Variants in LSAMP observed in about 807,000 individuals in gnomAD.
LSAMP encodes the protein limbic system associated membrane protein.
Under a neutral mutation model 38.6 loss-of-function variants are expected in LSAMP, and 7 were observed. The ratio of observed to expected loss-of-function variants is 0.18; its 90% CI spans 0.10 to 0.34. LSAMP has a LOEUF of 0.34. Among genes scored for constraint, LSAMP ranks in the 10% least tolerant of loss-of-function variants. The pLI is 1.00. For missense variants in LSAMP, 313 were observed against 420.0 expected (o/e 0.75, Z 2.23); for synonymous variants, 154 against 166.8 (o/e 0.92, Z 0.59).
At chr3:116,002,744 T>C (rs1157870173) in intron 3 of LSAMP, among the ~76,000 whole-genome samples, 2 of 152,164 alleles carry the variant, frequency 1.3e-5, no homozygotes, top group Non-Finnish European at 2.9e-5. Flanking sequence ...TGCTAACCTT[T>C]TGCCCTCAGC....
intron 1 of LSAMP, among the ~76,000 whole-genome samples, chr3:116,352,582 C>G (rs1020929838): frequency 7.9e-5 from 12 of 152,090 alleles, no homozygotes; most frequent in African/African-American, 2.7e-4. Context: ...TGGAAATAGT[C>G]TCTGTTAGAT....
intron 1 of LSAMP, among the ~76,000 whole-genome samples, chr3:116,213,728 T>C (rs899063194): frequency 6.6e-6 from 1 of 152,214 alleles, no homozygotes; most frequent in African/African-American, 2.4e-5. Context: ...TATTCAGCCT[T>C]AAAAGAGGAG....
At chr3:116,092,373 A>C (rs543671979) in intron 1 of LSAMP, among the ~76,000 whole-genome samples, 28 of 152,174 alleles carry the variant, frequency 1.8e-4, no homozygotes, top group Non-Finnish European at 3.7e-4. Context: ...TCTAGGAACT[A>C]AATGATCTAT....
intron 3 of LSAMP, among the ~76,000 whole-genome samples, chr3:115,861,171 TTCCTTCCTTCCTTC>T (rs1935682291): frequency 8.3e-6 from 1 of 120,112 alleles, no homozygotes; most frequent in Non-Finnish European, 1.7e-5. Flanking sequence ...CCTTCCTTCC[TTCCTTCCTTCCTTC>T]CTTCCTTCCT....
At chr3:116,164,768 T>A (rs1408789665) in intron 1 of LSAMP, among the ~76,000 whole-genome samples, 3 of 134,016 alleles carry the variant, frequency 2.2e-5, no homozygotes, top group Non-Finnish European at 4.9e-5. Flanking sequence ...ATATTTTTTT[T>A]TTTTTTCAAG....
chr3:116,232,164 T>A (rs2046408949), intron 1 of LSAMP, among the ~76,000 whole-genome samples: 1 of 152,180 alleles, frequency 6.6e-6, no homozygotes, highest in East Asian at 1.9e-4. Context: ...GCATGGGTTT[T>A]AATGGTAGTA....
chr3:115,806,388 A>C lies in LSAMP; in HGVS notation c.*3929T>G, dbSNP rs568772330. 6.6e-6 allele frequency: 1 copy of C among 152,210 alleles called. No homozygotes were observed. The highest frequency in any genetic ancestry group is 1.5e-5 in the Non-Finnish European group (1 of 68,034). The allele number at this position is 152,210 out of a possible 1,614,324, so 9.4% of individuals were successfully genotyped here. A position where few individuals can be genotyped will look rare whatever the true frequency, so the allele number is the denominator to read the frequency against. On this transcript the variant is annotated 3_prime_UTR_variant, in exon 7 of 7. Transcript: ENST00000490035. ...TCGAGCCCTGCAAAGAACAAAATGA[A>C]AAATTCAGGGAGAATAGCCAATAGA... is the stretch of plus-strand genomic sequence containing the variant.
chr3:116,187,932 C>G (rs1710660304), intron 1 of LSAMP, among the ~76,000 whole-genome samples: 1 of 151,942 alleles, frequency 6.6e-6, no homozygotes, highest in Admixed American at 6.6e-5. Context: ...TTTCCTGATC[C>G]CCTCTCTCCT....
chr3:116,340,993 A>T (rs951534014), intron 1 of LSAMP, among the ~76,000 whole-genome samples: 3 of 152,030 alleles, frequency 2.0e-5, no homozygotes, highest in Non-Finnish European at 1.5e-5. Flanking sequence ...AAGTTGATAC[A>T]ATTACTTATG....
chr3:116,404,795 G>A (rs1403108242), intron 1 of LSAMP, among the ~76,000 whole-genome samples: 5 of 152,042 alleles, frequency 3.3e-5, no homozygotes, highest in African/African-American at 1.2e-4. Flanking sequence ...GAATTTACAG[G>A]AGAAATATGG....
intron 1 of LSAMP, among the ~76,000 whole-genome samples, chr3:116,139,154 C>T (rs1709318410): frequency 6.6e-6 from 1 of 151,808 alleles, no homozygotes; most frequent in Non-Finnish European, 1.5e-5. Context: ...GGTAACAGTA[C>T]TTTTAAATTT....
rs760430702 is a variant in LSAMP at position 115,858,164 on chromosome 3, T to TCA, written c.515-5549_515-5548dup. ...CTCTCTCTCTCTCTCTCTCTCTCTC[T>TCA]CACACACACACACCCCACAAAAAGC... On this transcript the variant is annotated intron_variant, in intron 3 of 6. Coordinates refer to ENST00000490035, the MANE Select transcript of LSAMP (RefSeq NM_002338.5). Among the ~76,000 whole-genome samples, 7 of 142,142 alleles carry TCA rather than the reference T, an allele frequency of 4.9e-5. No individual in the cohort carries two copies. In the East Asian group the frequency reaches 6.1e-4, roughly 12 times the overall value. 93.3% of individuals were successfully genotyped at this position (142,142 alleles called of 152,430 possible).
intron 1 of LSAMP, among the ~76,000 whole-genome samples, chr3:116,116,585 T>G (rs1346752161): frequency 6.8e-6 from 1 of 147,214 alleles, no homozygotes; most frequent in African/African-American, 2.5e-5. Flanking sequence ...GGCGTGGTGG[T>G]GCATGCCTGT....
chr3:115,927,541 A>G (rs1937517550), intron 3 of LSAMP, among the ~76,000 whole-genome samples: 4 of 151,842 alleles, frequency 2.6e-5, no homozygotes, highest in Admixed American at 2.6e-4. Context: ...CCACATAACC[A>G]TGGTTATGTA....
intron 2 of LSAMP, among the ~76,000 whole-genome samples, chr3:116,067,748 C>G (rs1296715272): frequency 5.9e-5 from 9 of 152,026 alleles, no homozygotes; most frequent in Non-Finnish European, 1.3e-4. Flanking sequence ...GAGTTCATCT[C>G]TTGATGTACA....
At chr3:115,812,760 T>G (rs1337880843) in intron 6 of LSAMP, among the ~76,000 whole-genome samples, 1 of 152,162 alleles carries the variant, frequency 6.6e-6, no homozygotes. Flanking sequence ...TCAGAAAGGG[T>G]CCAATTCTGC....
chr3:116,311,942 C>A (rs1010360068), intron 1 of LSAMP, among the ~76,000 whole-genome samples: 1 of 152,078 alleles, frequency 6.6e-6, no homozygotes, highest in African/African-American at 2.4e-5. Flanking sequence ...AAGCCCTGAG[C>A]AAGATGAATG....
At chr3:116,041,565 G>A (rs75165062) in intron 2 of LSAMP, among the ~76,000 whole-genome samples, 3,372 of 151,316 alleles carry the variant, frequency 0.022, 107 homozygotes, top group African/African-American at 0.074. Flanking sequence ...GACAAAGAGC[G>A]GAGGAACTTA....
intron 2 of LSAMP, among the ~76,000 whole-genome samples, chr3:116,060,754 C>G (rs1247009798): frequency 6.6e-6 from 1 of 151,876 alleles, no homozygotes; most frequent in Non-Finnish European, 1.5e-5. Context: ...GAGTGAAACT[C>G]CATCTCAAAA....
Sources: allele counts gnomAD v4.1 joint callset (sites outside exome capture counted in the v4.1 genomes callset), GRCh38; gene constraint gnomAD v4.1.1; transcripts MANE v1.5; gene names NCBI Gene and HGNC (gene_info 2026-07-23, HGNC 2026-07-21).